Variants in STAU2 observed in about 807,000 individuals in gnomAD.
The protein encoded by STAU2 is double-stranded RNA-binding protein Staufen homolog 2.
In STAU2, 20 loss-of-function variants were observed where a neutral mutation model predicts 65.9. The ratio of observed to expected loss-of-function variants is 0.30; its 90% CI spans 0.21 to 0.44. The LOEUF (loss-of-function observed/expected upper bound fraction) is 0.44. Ranked by LOEUF, STAU2 falls within the 20% of genes least tolerant of loss-of-function variation. The probability of loss-of-function intolerance (pLI) is 1.00; values close to 1 mark genes in which losing one functional copy is unlikely to be tolerated. For synonymous variants in STAU2, 232 were observed against 233.9 expected (o/e 0.99, Z 0.07); for missense variants, 558 against 683.9 (o/e 0.82, Z 2.05).
At chr8:73,564,909 C>CGTGT (rs796136065) in intron 12 of STAU2, among the ~76,000 whole-genome samples, 1 of 151,270 alleles carries the variant, frequency 6.6e-6, no homozygotes, top group Non-Finnish European at 1.5e-5. Context: ...GTATGGGTGT[C>CGTGT]GTGTGTGTGT....
intron 6 of STAU2, chr8:73,651,346 C>T: frequency 2.9e-6 from 2 of 683,390 alleles, no homozygotes; most frequent in Non-Finnish European, 5.4e-6. Flanking sequence ...TCTTCCAGCA[C>T]CACCAGTACC....
At chr8:73,636,729 G>A (rs1325603741) in intron 6 of STAU2, among the ~76,000 whole-genome samples, 1 of 151,666 alleles carries the variant, frequency 6.6e-6, no homozygotes, top group Admixed American at 6.6e-5. Flanking sequence ...CGAGTGTGGT[G>A]GCACACAGCT....
chr8:73,470,893 G>A (rs1309208646), intron 13 of STAU2, among the ~76,000 whole-genome samples: 5 of 152,110 alleles, frequency 3.3e-5, no homozygotes, highest in African/African-American at 1.2e-4. Context: ...CTAGTTTCTA[G>A]GAAAAATAAC....
At chr8:73,673,748 A>G (rs1019050471) in intron 5 of STAU2, among the ~76,000 whole-genome samples, 1 of 152,144 alleles carries the variant, frequency 6.6e-6, no homozygotes, top group Non-Finnish European at 1.5e-5. Context: ...AGTAAATATA[A>G]GCAATGTTTC....
Position 73,427,572 on chromosome 8 carries a change from C to T in STAU2, c.1531-4870G>A, listed in dbSNP as rs1041971997. ...CTCTCAGGGAGCTTTGATTCAGTGA[C>T]TCTGAGGTCCTTTTAAGTCCTGAAG... On this transcript the variant is annotated intron_variant, in intron 13 of 14. Coordinates refer to ENST00000524300, the MANE Select transcript of STAU2 (RefSeq NM_001164380.2). Among the ~76,000 whole-genome samples, 3 of 152,344 alleles carry T rather than the reference C, an allele frequency of 2.0e-5. No homozygotes were observed. The South Asian group carries it at 6.2e-4, about 32-fold the overall frequency.
At chr8:73,452,058 G>A (rs911378356) in intron 13 of STAU2, among the ~76,000 whole-genome samples, 1 of 152,242 alleles carries the variant, frequency 6.6e-6, no homozygotes, top group Non-Finnish European at 1.5e-5. Flanking sequence ...GTGCAGGGCT[G>A]AGCCAGGACC....
intron 6 of STAU2, chr8:73,653,840 CT>C (rs2130254025): frequency 2.4e-6 from 1 of 424,988 alleles, no homozygotes; most frequent in African/African-American, 2.1e-5. Context: ...CAAAATTTGT[CT>C]TCAAATCCCT....
At position 73,462,512 on chromosome 8, in the gene STAU2, C is replaced by T. The variant is rs945457324; in HGVS notation, c.1531-39810G>A. The stretch of plus-strand genomic sequence containing the variant: ...CTGAGCTCAAGCTGTTCTCCCACCT[C>T]AGCCCTCCAAGTAGCTGGGACCACA... On this transcript the variant is annotated intron_variant, in intron 13 of 14. Transcript: ENST00000524300. Among the ~76,000 whole-genome samples the T allele has an allele frequency of 5.3e-5, 8 of 152,236 alleles. No individual in the cohort carries two copies. The East Asian group carries it at 1.5e-3, about 29-fold the overall frequency.
At chr8:73,528,968 T>C (rs940490233) in intron 13 of STAU2, among the ~76,000 whole-genome samples, 9 of 152,090 alleles carry the variant, frequency 5.9e-5, no homozygotes, top group Non-Finnish European at 1.3e-4. Context: ...TTTAAACCAG[T>C]AGGGTTGTTA....
At chr8:73,471,721 G>T (rs1185364071) in intron 13 of STAU2, among the ~76,000 whole-genome samples, 1 of 149,604 alleles carries the variant, frequency 6.7e-6, no homozygotes, top group African/African-American at 2.4e-5. Context: ...GGGAGGCTGA[G>T]GCAGGAGAAT....
At chr8:73,595,394 G>T in intron 10 of STAU2, 97 bp from the exon 11 acceptor site, 3 of 1,165,226 alleles carry the variant, frequency 2.6e-6, no homozygotes, top group Non-Finnish European at 3.5e-6. Flanking sequence ...TCTAGCATTT[G>T]AAAACATAAA....
upstream of STAU2, among the ~76,000 whole-genome samples, chr8:73,747,094 T>G (rs1807344269): frequency 6.6e-6 from 1 of 151,090 alleles, no homozygotes; most frequent in South Asian, 2.1e-4. Context: ...TCCCGCCCCC[T>G]GGCGGCTGCC....
intron 12 of STAU2, among the ~76,000 whole-genome samples, chr8:73,570,758 G>A (rs1192948487): frequency 1.3e-5 from 2 of 152,194 alleles, no homozygotes; most frequent in African/African-American, 4.8e-5. Context: ...TCTCTCGGCA[G>A]AAACTCTACA....
intron 6 of STAU2, chr8:73,669,115 A>C (rs1264626201): frequency 1.4e-6 from 1 of 701,880 alleles, no homozygotes; most frequent in Non-Finnish European, 2.6e-6. Flanking sequence ...TGCCATCTAT[A>C]AATTAAAATA....
chr8:73,579,715 A>C (rs1809847196), intron 12 of STAU2, among the ~76,000 whole-genome samples: 1 of 152,174 alleles, frequency 6.6e-6, no homozygotes, highest in Non-Finnish European at 1.5e-5. Context: ...TAACTATTAC[A>C]GTGATTCAAA....
At chr8:73,569,472 G>C (rs531362060) in intron 12 of STAU2, among the ~76,000 whole-genome samples, 2 of 152,154 alleles carry the variant, frequency 1.3e-5, no homozygotes, top group Middle Eastern at 6.8e-3. Context: ...GGTTCTCCCA[G>C]CATGGAGTCT....
intron 13 of STAU2, among the ~76,000 whole-genome samples, chr8:73,469,008 A>T (rs1490906257): frequency 2.6e-5 from 4 of 152,084 alleles, no homozygotes; most frequent in Non-Finnish European, 5.9e-5. Context: ...ATGCACACGT[A>T]TGTTTATTGT....
At chr8:73,634,016 AG>A (rs944749947) in intron 6 of STAU2, among the ~76,000 whole-genome samples, 3 of 152,106 alleles carry the variant, frequency 2.0e-5, no homozygotes, top group African/African-American at 7.2e-5. Context: ...CACAAAAACT[AG>A]CACAGGTTAT....
chr8:73,741,174 G>A (rs7011746), intron 1 of STAU2, among the ~76,000 whole-genome samples: 146,847 of 149,088 alleles, frequency 0.98, 72,316 homozygotes, highest in East Asian at 1. Context: ...GCGTGGTGGC[G>A]GGCGCCTGTA....
Sources: gnomAD v4.1 joint callset for allele counts (sites outside exome capture counted in the v4.1 genomes callset) on GRCh38, gnomAD v4.1.1 for gene constraint, MANE v1.5 for transcripts, NCBI Gene and HGNC (gene_info 2026-07-23, HGNC 2026-07-21) for gene names.